Variants in LYPD6 observed in about 807,000 individuals in gnomAD.
The protein encoded by LYPD6 is ly6/PLAUR domain-containing protein 6.
In LYPD6, 15 loss-of-function variants were observed where a neutral mutation model predicts 22.7. The ratio of observed to expected loss-of-function variants is 0.66; its 90% CI spans 0.44 to 1.02. The LOEUF (loss-of-function observed/expected upper bound fraction) is 1.02, where lower values mean the gene tolerates loss of function less well. LYPD6 is among the 50% of genes least tolerant of loss of function. The pLI is 0.00. For missense variants in LYPD6, 189 were observed against 208.4 expected, an observed-to-expected ratio of 0.91 and a Z score of 0.57; for synonymous variants, 72 against 77.5, an observed-to-expected ratio of 0.93 and a Z score of 0.37.
chr2:149,335,970 G>T (rs1166794050), intron 1 of LYPD6, among the ~76,000 whole-genome samples: 2 of 152,070 alleles, frequency 1.3e-5, no homozygotes, highest in Admixed American at 1.3e-4. Context: ...ACCTAAGATG[G>T]CTCTCTCAGA....
intron 1 of LYPD6, among the ~76,000 whole-genome samples, chr2:149,366,629 C>T (rs1187609121): frequency 6.6e-6 from 1 of 152,138 alleles, no homozygotes; most frequent in Admixed American, 6.5e-5. Flanking sequence ...GGAAGGTTTT[C>T]ATTCATTTCT....
At chr2:149,398,649 C>G (rs918077755) in intron 1 of LYPD6, among the ~76,000 whole-genome samples, 2 of 151,998 alleles carry the variant, frequency 1.3e-5, no homozygotes, top group Non-Finnish European at 2.9e-5. Flanking sequence ...CAGCCCTAGC[C>G]CTCTCATGGG....
At chr2:149,410,910 T>C (rs1478393782) in intron 1 of LYPD6, among the ~76,000 whole-genome samples, 1 of 152,242 alleles carries the variant, frequency 6.6e-6, no homozygotes, top group Non-Finnish European at 1.5e-5. Context: ...AGGAAAGTTA[T>C]GTGGCCTCAT....
intron 3 of LYPD6, among the ~76,000 whole-genome samples, chr2:149,463,939 A>G (rs1344066094): frequency 6.6e-6 from 1 of 151,974 alleles, no homozygotes; most frequent in Non-Finnish European, 1.5e-5. Flanking sequence ...GGCTGTGGAG[A>G]AGTTCTGTAT....
chr2:149,400,166 C>T (rs536292411), intron 1 of LYPD6, among the ~76,000 whole-genome samples: 2 of 152,210 alleles, frequency 1.3e-5, no homozygotes, highest in African/African-American at 2.4e-5. Context: ...GTGAGTGATG[C>T]GTGCGCTGCG....
intron 1 of LYPD6, among the ~76,000 whole-genome samples, chr2:149,393,238 C>A (rs1187364844): frequency 6.6e-6 from 1 of 152,192 alleles, no homozygotes; most frequent in Non-Finnish European, 1.5e-5. Context: ...TATAGCTTCT[C>A]AGTTTTACAC....
At position 149,471,327 on chromosome 2, in the gene LYPD6, A is replaced by G. The variant is rs990027855; in HGVS notation, c.*477A>G. Reference sequence around the variant, plus strand: ...ACATTGACTCCAAACTGAATGGACTATTTCCTTGGAAATTCTGACTGAGTC... The same window carrying G: ...ACATTGACTCCAAACTGAATGGACTGTTTCCTTGGAAATTCTGACTGAGTC... On this transcript the variant is annotated 3_prime_UTR_variant, in exon 5 of 5. Transcript: ENST00000334166. The G allele has an allele frequency of 6.6e-6, 1 of 152,408 alleles. No individual in the cohort carries two copies. The highest frequency in any genetic ancestry group is 1.5e-5 in the Non-Finnish European group (1 of 68,214). 9.4% of individuals were successfully genotyped at this position (152,408 alleles called of 1,614,324 possible). A position where few individuals can be genotyped will look rare whatever the true frequency, so the allele number is the denominator to read the frequency against.
At chr2:149,424,663 G>C (rs1221881558) in intron 1 of LYPD6, among the ~76,000 whole-genome samples, 1 of 152,194 alleles carries the variant, frequency 6.6e-6, no homozygotes, top group Non-Finnish European at 1.5e-5. Flanking sequence ...TGAGACTTCA[G>C]TAGTGAATTG....
chr2:149,334,456 C>G (rs900396637), intron 1 of LYPD6, among the ~76,000 whole-genome samples: 22 of 152,206 alleles, frequency 1.4e-4, no homozygotes, highest in African/African-American at 5.3e-4. Context: ...TCAAGCAATA[C>G]ACACATTGGA....
chr2:149,400,455 T>G lies in LYPD6; in HGVS notation c.-71-37183T>G, dbSNP rs562618198. ...TGAGTGAATGCCGCATTGGTGTGTT[T>G]ACAGTTCAGTGTCTTTCCGGAGCAT... On this transcript the variant is annotated intron_variant, in intron 1 of 4. Transcript: ENST00000334166. 3.9e-5 allele frequency among the ~76,000 whole-genome samples: 6 copies of G among 152,312 alleles called. No homozygotes were observed. The South Asian group carries it at 1.2e-3, about 32-fold the overall frequency.
chr2:149,434,602 T>C (rs1339356491), intron 1 of LYPD6, among the ~76,000 whole-genome samples: 1 of 152,204 alleles, frequency 6.6e-6, no homozygotes, highest in African/African-American at 2.4e-5. Context: ...TCATCTCTTA[T>C]GGCAAAACAA....
At chr2:149,348,525 A>G (rs1372028456) in intron 1 of LYPD6, among the ~76,000 whole-genome samples, 1 of 152,236 alleles carries the variant, frequency 6.6e-6, no homozygotes, top group African/African-American at 2.4e-5. Flanking sequence ...CCCTCCAGGC[A>G]GAAATGCAAA....
At chr2:149,406,050 G>A (rs1682698280) in intron 1 of LYPD6, among the ~76,000 whole-genome samples, 1 of 150,836 alleles carries the variant, frequency 6.6e-6, no homozygotes, top group Non-Finnish European at 1.5e-5. Flanking sequence ...GGTTTTGAGT[G>A]AGTTTCTTAA....
chr2:149,425,765 A>AT (rs1301959122), intron 1 of LYPD6, among the ~76,000 whole-genome samples: 5 of 152,160 alleles, frequency 3.3e-5, no homozygotes, highest in South Asian at 2.1e-4. Flanking sequence ...TATTTGATAC[A>AT]TTTTTTTGCC....
rs575908422 is a variant in LYPD6 at position 149,448,752 on chromosome 2, A to G, written c.119-297A>G. Among the ~76,000 whole-genome samples the G allele has an allele frequency of 3.2e-3, 486 of 152,314 alleles. 2 individuals carry two copies. Among genetic ancestry groups the G allele is most frequent in the African/African-American group, 0.011 (456 of 41,578 alleles). On this transcript the variant is annotated intron_variant, in intron 2 of 4. Transcript: ENST00000334166. ...TAATGTTCCATAGTATGGATGTCCA[A>G]CAGTTTGTTTAACCATTCACCCACT... is the stretch of plus-strand genomic sequence containing the variant.
intron 3 of LYPD6, among the ~76,000 whole-genome samples, chr2:149,462,314 T>C (rs1681104054): frequency 6.6e-6 from 1 of 152,022 alleles, no homozygotes; most frequent in South Asian, 2.1e-4. Flanking sequence ...ATTTAAAATA[T>C]AGCATTATAT....
chr2:149,396,244 C>A (rs763211536), intron 1 of LYPD6, among the ~76,000 whole-genome samples: 7 of 150,506 alleles, frequency 4.7e-5, no homozygotes, highest in Non-Finnish European at 1.0e-4. Context: ...TTTTTTTTTC[C>A]TCTTAGAAAA....
intron 1 of LYPD6, among the ~76,000 whole-genome samples, chr2:149,370,793 AC>A (rs1214739588): frequency 6.6e-6 from 1 of 152,098 alleles, no homozygotes; most frequent in African/African-American, 2.4e-5. Flanking sequence ...CCCTGTCCCT[AC>A]AAAAAATAAA....
At position 149,404,162 on chromosome 2, in the gene LYPD6, G is replaced by A. The variant is rs867450866; in HGVS notation, c.-71-33476G>A. On this transcript the variant is annotated intron_variant, in intron 1 of 4. Coordinates refer to ENST00000334166, the MANE Select transcript of LYPD6 (RefSeq NM_194317.5). ...CTTGTAGTATGGTTTGAAGTCAGGT[G>A]GCGTGATGCCTCCAGCTTTGTTCTT... Among the ~76,000 whole-genome samples the A allele has an allele frequency of 1.7e-4, 26 of 152,192 alleles. No individual in the cohort carries two copies. In the South Asian group the frequency reaches 3.9e-3, roughly 23 times the overall value.
Sources: gnomAD v4.1 joint callset for allele counts (sites outside exome capture counted in the v4.1 genomes callset) on GRCh38, gnomAD v4.1.1 for gene constraint, MANE v1.5 for transcripts, NCBI Gene and HGNC (gene_info 2026-07-23, HGNC 2026-07-21) for gene names.